Variants in MDN1 observed in about 807,000 individuals in gnomAD.
MDN1 encodes midasin AAA ATPase 1.
Under a neutral mutation model 669.2 loss-of-function variants are expected in MDN1, and 266 were observed. The ratio of observed to expected loss-of-function variants is 0.40; its 90% CI spans 0.36 to 0.44. The LOEUF is 0.44. Among genes scored for constraint, MDN1 ranks in the 20% least tolerant of loss-of-function variants. The probability of loss-of-function intolerance (pLI) is 1.00; values close to 1 mark genes in which losing one functional copy is unlikely to be tolerated. For missense variants in MDN1, 5,940 were observed against 6,754.0 expected (o/e 0.88, Z 4.22); for synonymous variants, 2,385 against 2,457.1 (o/e 0.97, Z 0.87).
At chr6:89,747,804 C>T (rs146969679) in intron 26 of MDN1, among the ~76,000 whole-genome samples, 6,721 of 146,754 alleles carry the variant, frequency 0.046, 497 homozygotes, top group African/African-American at 0.16. Context: ...GGGAGGAGAA[C>T]CGCATGAACC....
chr6:89,662,852 CTCA>C lies in MDN1; in HGVS notation c.14349_14351del (p.Asp4783del), dbSNP rs781521374. 42 of 1,610,164 alleles carry C rather than the reference CTCA, an allele frequency of 2.6e-5. No individual in the cohort carries two copies. The highest frequency in any genetic ancestry group is 7.7e-5 in the South Asian group (7 of 91,070). Reference sequence around the variant, plus strand: ...TGTCTTCTTCCTCCTCATCTTCCTCCTCATCATCATCACCCCAAAGCCTCTCAT... The same window carrying C: ...TGTCTTCTTCCTCCTCATCTTCCTCCTCATCATCACCCCAAAGCCTCTCAT... On this transcript the variant is annotated inframe_deletion, in exon 86 of 102. Coordinates refer to ENST00000369393, the MANE Select transcript of MDN1 (RefSeq NM_014611.3).
chr6:89,819,472 G>C (rs765076743), intron 1 of MDN1, 34 bp downstream of exon 1: 1 of 1,583,046 alleles, frequency 6.3e-7, no homozygotes, highest in Non-Finnish European at 8.6e-7. Flanking sequence ...CGACCCAGTC[G>C]TTCCGGCGCT....
intron 35 of MDN1, 44 bp from the exon 36 acceptor site, chr6:89,729,183 C>A: frequency 6.7e-7 from 1 of 1,498,144 alleles, no homozygotes; most frequent in South Asian, 1.2e-5. Flanking sequence ...GGGACATCAT[C>A]AAATCACATG....
chr6:89,734,713 G>GAGAGAGAGAGAGAGAGAGAC, intron 33 of MDN1, among the ~76,000 whole-genome samples: 1 of 149,632 alleles, frequency 6.7e-6, no homozygotes, highest in Admixed American at 6.7e-5. Context: ...GAGAGAGAGA[G>GAGAGAGAGAGAGAGAGAGAC]AGAACTCCCT....
At chr6:89,698,468 CAT>C (rs1812922002) in intron 59 of MDN1, among the ~76,000 whole-genome samples, 1 of 151,872 alleles carries the variant, frequency 6.6e-6, no homozygotes, top group African/African-American at 2.4e-5. Context: ...ATTTCTGTTA[CAT>C]ATATGTGTAC....
Position 89,662,911 on chromosome 6 carries a change from C to A in MDN1, c.14293G>T (p.Asp4765Tyr). 6.2e-7 allele frequency: 1 copy of A among 1,614,100 alleles called. No individual in the cohort carries two copies. The highest frequency in any genetic ancestry group is 2.2e-5 in the East Asian group (1 of 44,860). ...TTGTCAGCTTCCTCACCATTGAGATCGCCCATGTGTTTATCCAGGTCTCCG... is the reference window on the plus strand; with the variant it reads ...TTGTCAGCTTCCTCACCATTGAGATAGCCCATGTGTTTATCCAGGTCTCCG... ...EGGDLDKHMG[D>Y]LNGEEADKLD... The change falls in exon 86 of 102, where the codon GAT (aspartate) becomes TAT (tyrosine). Residue 4765 changes from aspartate (D) to tyrosine (Y), a missense_variant. Asp to Tyr is a radical substitution (Grantham distance 160). Transcript: ENST00000369393.
chr6:89,645,122 G>A lies in MDN1; in HGVS notation c.16495C>T (p.Arg5499Ter), dbSNP rs1242203123. Residue 5499 changes from arginine to a stop codon, truncating the protein, a stop_gained, in exon 101 of 102, where the codon CGA becomes TGA. Coordinates refer to ENST00000369393, the MANE Select transcript of MDN1 (RefSeq NM_014611.3). LOFTEE classifies it high-confidence loss of function. Reference sequence around the variant, plus strand: ...TCTTTGCCCTCAAGGAAAAGGCCTCGCCCATCAGAGACTACCAGGAGGAGT... The same window carrying A: ...TCTTTGCCCTCAAGGAAAAGGCCTCACCCATCAGAGACTACCAGGAGGAGT... ...AQLLLVVSDG[R>*]GLFLEGKERV... The A allele has an allele frequency of 1.9e-6, 3 of 1,610,586 alleles. No homozygotes were observed. The highest frequency in any genetic ancestry group is 2.2e-5 in the South Asian group (2 of 90,942).
intron 84 of MDN1, among the ~76,000 whole-genome samples, chr6:89,667,566 G>GT (rs1231279509): frequency 3.3e-5 from 5 of 152,134 alleles, no homozygotes; most frequent in Non-Finnish European, 7.4e-5. Context: ...AGTTCAGAAG[G>GT]TTGCTTGATT....
Position 89,692,521 on chromosome 6 carries a change from G to T in MDN1, c.10509C>A (p.Leu3503=), listed in dbSNP as rs751688945. The change falls in exon 63 of 102, where the codon CTC becomes CTA. Residue 3503 remains leucine (L), a synonymous_variant. Coordinates refer to ENST00000369393, the MANE Select transcript of MDN1 (RefSeq NM_014611.3). ...PTREQLLMNA[L]LYLRSHVLCK... ...ATAACACGTGGGAGCGCAGGTAAAGGAGAGCATTCATCAGCAGCTGCTCCC... is the reference window on the plus strand; with the variant it reads ...ATAACACGTGGGAGCGCAGGTAAAGTAGAGCATTCATCAGCAGCTGCTCCC... The T allele has an allele frequency of 3.7e-6, 6 of 1,614,102 alleles. No homozygotes were observed. In the Admixed American group the frequency reaches 8.3e-5, roughly 22 times the overall value.
chr6:89,684,759 T>C (rs1811893397), intron 71 of MDN1, 117 bp downstream of exon 71: 2 of 612,200 alleles, frequency 3.3e-6, no homozygotes, highest in African/African-American at 3.7e-5. Flanking sequence ...GCGGTGGCAA[T>C]GCTCACCTCT....
Position 89,672,636 on chromosome 6 carries a change from G to T in MDN1, c.13541C>A (p.Ala4514Asp). ...TAAGTTCTGGATGGCACAGAGGATG[G>T]CTCGGATGGCAATTTCCATTTGCTC... ...FSEQMEIAIR[A>D]ILCAIQNLEE... Residue 4514 changes from alanine to aspartate, a missense_variant, in exon 81 of 102, where the codon GCC becomes GAC. Transcript: ENST00000369393. The T allele has an allele frequency of 6.2e-7, 1 of 1,614,056 alleles. No homozygotes were observed. Among genetic ancestry groups the T allele is most frequent in the Non-Finnish European group, 8.5e-7 (1 of 1,179,986 alleles).
intron 37 of MDN1, among the ~76,000 whole-genome samples, chr6:89,725,964 C>T (rs1254821088): frequency 8.2e-6 from 1 of 121,466 alleles, no homozygotes; most frequent in Non-Finnish European, 1.7e-5. Context: ...CACACACACA[C>T]ACACGTATAT....
chr6:89,790,671 C>T (rs1012610951), intron 5 of MDN1, among the ~76,000 whole-genome samples: 1 of 152,158 alleles, frequency 6.6e-6, no homozygotes, highest in Non-Finnish European at 1.5e-5. Flanking sequence ...CACCACTGCA[C>T]TCCAGCCTGG....
At chr6:89,650,705 T>C (rs758989241) in intron 96 of MDN1, 27 bp downstream of exon 96, 1 of 1,566,698 alleles carries the variant, frequency 6.4e-7, no homozygotes, top group South Asian at 1.1e-5. Context: ...CAGGGCACTG[T>C]GAGGCCTTCC....
rs184299637 is a variant in MDN1, at chr6:89,647,156, C to T, written c.16396-553G>A. ...TAACCCACTAGAGTTCTGGAAGATACCCCAAAGGAAAAGAAGTGCTTCCCT... is the reference window on the plus strand; with the variant it reads ...TAACCCACTAGAGTTCTGGAAGATATCCCAAAGGAAAAGAAGTGCTTCCCT... On this transcript the variant is annotated intron_variant, in intron 99 of 101. Coordinates refer to ENST00000369393, the MANE Select transcript of MDN1 (RefSeq NM_014611.3). Among the ~76,000 whole-genome samples the T allele has an allele frequency of 3.5e-4, 54 of 152,230 alleles. 1 individual carries two copies. The highest frequency in any genetic ancestry group is 1.0e-3 in the South Asian group (5 of 4,834).
Position 89,758,945 on chromosome 6 carries a change from C to G in MDN1, c.2476G>C (p.Ala826Pro). The part of the protein sequence containing the change: ...FAFVEGTLAQ[A>P]VKKGEWILLD... ...AAGATCCACTCTCCTTTCTTTACAG[C>G]CTGAGCTAATGTACCCTAGAAAAAG... The change falls in exon 18 of 102, where the codon GCT (alanine) becomes CCT (proline). Residue 826 changes from alanine (A) to proline (P), a missense_variant. Transcript: ENST00000369393. 6.2e-7 allele frequency: 1 copy of G among 1,613,736 alleles called. No individual in the cohort carries two copies. Among genetic ancestry groups the G allele is most frequent in the Non-Finnish European group, 8.5e-7 (1 of 1,179,684 alleles).
At chr6:89,710,550 C>A in intron 50 of MDN1, 131 bp downstream of exon 50, 1 of 458,626 alleles carries the variant, frequency 2.2e-6, no homozygotes, top group Non-Finnish European at 3.8e-6. Context: ...GGAGAATTTG[C>A]TTCTGCATAT....
At chr6:89,809,215 CAAAAAAAAA>C (rs1167270500) in intron 1 of MDN1, among the ~76,000 whole-genome samples, 1 of 59,296 alleles carries the variant, frequency 1.7e-5, no homozygotes, top group South Asian at 6.8e-4. Flanking sequence ...GACACTGTCT[CAAAAAAAAA>C]AAAAAAAAAA....
At chr6:89,668,254 C>A (rs904158162) in intron 83 of MDN1, 103 bp from the exon 84 acceptor site, 3 of 1,363,642 alleles carry the variant, frequency 2.2e-6, no homozygotes, top group African/African-American at 1.5e-5. Context: ...ATACTGAATT[C>A]TTTTTCTAGC....
Sources: allele counts gnomAD v4.1 joint callset (sites outside exome capture counted in the v4.1 genomes callset), GRCh38; gene constraint gnomAD v4.1.1; transcripts MANE v1.5; gene names NCBI Gene and HGNC (gene_info 2026-07-23, HGNC 2026-07-21).